Variants in TTC27 observed in about 807,000 individuals in gnomAD.
The protein encoded by TTC27 is tetratricopeptide repeat protein 27.
In TTC27, 79 loss-of-function variants were observed where a neutral mutation model predicts 115.9. The ratio of observed to expected loss-of-function variants is 0.68; its 90% CI spans 0.57 to 0.82. The LOEUF is 0.82. Among genes scored for constraint, TTC27 ranks in the 40% least tolerant of loss-of-function variants. The probability of loss-of-function intolerance (pLI) is 0.00; values close to 1 mark genes in which losing one functional copy is unlikely to be tolerated. For synonymous variants in TTC27, 401 were observed against 356.0 expected (o/e 1.13, Z -1.42); for missense variants, 1,054 against 993.1 (o/e 1.06, Z -0.82).
chr2:32,786,211 T>C (rs1670343038), intron 15 of TTC27, among the ~76,000 whole-genome samples: 1 of 152,100 alleles, frequency 6.6e-6, no homozygotes, highest in Admixed American at 6.5e-5. Context: ...ACCCACGGCT[T>C]CCCAGGTTCA....
chr2:32,703,312 CA>C (rs1250744683), intron 10 of TTC27, among the ~76,000 whole-genome samples: 1 of 152,072 alleles, frequency 6.6e-6, no homozygotes. Context: ...ACTGAAAATA[CA>C]AAAATTAGCC....
chr2:32,690,382 C>T (rs758002466), intron 9 of TTC27, among the ~76,000 whole-genome samples: 3 of 152,110 alleles, frequency 2.0e-5, no homozygotes, highest in Non-Finnish European at 2.9e-5. Flanking sequence ...GACTTGCCTT[C>T]ATGGAATTTT....
intron 5 of TTC27, among the ~76,000 whole-genome samples, chr2:32,651,544 C>T (rs1197471749): frequency 6.6e-6 from 1 of 152,142 alleles, no homozygotes; most frequent in Non-Finnish European, 1.5e-5. Flanking sequence ...TGGGGTTTCT[C>T]CATGTTGGTC....
chr2:32,661,996 GA>G (rs1464069280), intron 5 of TTC27, among the ~76,000 whole-genome samples: 1 of 152,098 alleles, frequency 6.6e-6, no homozygotes, highest in Non-Finnish European at 1.5e-5. Context: ...TAAGTTTACT[GA>G]AGGCCTTTTC....
intron 9 of TTC27, among the ~76,000 whole-genome samples, chr2:32,682,757 C>G (rs1386587255): frequency 6.6e-6 from 1 of 150,890 alleles, no homozygotes; most frequent in Non-Finnish European, 1.5e-5. Context: ...CAGCCTCCAC[C>G]TCCTGGGTTC....
chr2:32,692,036 GTTTTTTTT>G (rs779547700), intron 9 of TTC27, among the ~76,000 whole-genome samples: 21 of 61,204 alleles, frequency 3.4e-4, no homozygotes, highest in East Asian at 1.2e-3. Flanking sequence ...AATTTTTTAG[GTTTTTTTT>G]TTTTTTTTTT....
intron 16 of TTC27, among the ~76,000 whole-genome samples, chr2:32,793,478 T>G (rs1237554033): frequency 1.3e-5 from 2 of 152,168 alleles, no homozygotes; most frequent in East Asian, 3.9e-4. Context: ...TCAATAAAGA[T>G]AAATATAAGA....
At chr2:32,762,931 C>T (rs575500555) in intron 13 of TTC27, among the ~76,000 whole-genome samples, 38 of 152,264 alleles carry the variant, frequency 2.5e-4, no homozygotes, top group Admixed American at 7.8e-4. Flanking sequence ...TGAGCCACCG[C>T]GCTCAGCCCA....
rs73922800 is a variant in TTC27 at position 32,759,965 on chromosome 2, A to C, written c.1680+1446A>C. On this transcript the variant is annotated intron_variant, in intron 13 of 19. Transcript: ENST00000317907. ...CTGAATAATATTCCATTTTATGTAC[A>C]TACTTCCTTTTGTTTACCCATTCAT... Among the ~76,000 whole-genome samples, 357 of 152,264 alleles carry C rather than the reference A, an allele frequency of 2.3e-3. 2 individuals are homozygous for C. Among genetic ancestry groups the C allele is most frequent in the African/African-American group, 8.2e-3 (339 of 41,540 alleles).
At chr2:32,812,445 A>G (rs995944169) in intron 17 of TTC27, 59 bp from the exon 18 acceptor site, 7 of 1,291,952 alleles carry the variant, frequency 5.4e-6, no homozygotes, top group South Asian at 1.2e-5. Flanking sequence ...TCCAGGAAAC[A>G]GAGTTTGAAA....
intron 16 of TTC27, among the ~76,000 whole-genome samples, chr2:32,805,481 C>T (rs1180222237): frequency 6.6e-6 from 1 of 152,114 alleles, no homozygotes; most frequent in Non-Finnish European, 1.5e-5. Flanking sequence ...TAATAAAGTA[C>T]CTGCTTCCTA....
chr2:32,740,076 T>C (rs951991849), intron 12 of TTC27, among the ~76,000 whole-genome samples: 6 of 152,230 alleles, frequency 3.9e-5, no homozygotes, highest in Non-Finnish European at 8.8e-5. Context: ...TTAATTTTGC[T>C]CGACCTTGGT....
At chr2:32,801,460 T>A (rs569898711) in intron 16 of TTC27, among the ~76,000 whole-genome samples, 1 of 152,304 alleles carries the variant, frequency 6.6e-6, no homozygotes, top group African/African-American at 2.4e-5. Flanking sequence ...TGTGTTCCCT[T>A]CTTCTGAGGA....
chr2:32,707,883 AG>A (rs1667431592), intron 10 of TTC27, among the ~76,000 whole-genome samples: 1 of 152,040 alleles, frequency 6.6e-6, no homozygotes. Flanking sequence ...GGCTGGTTTT[AG>A]GATTGGGGCA....
In TTC27 at chr2:32,640,367, G is replaced by C. The variant is rs77321087; in HGVS notation, c.494G>C (p.Arg165Pro). 2.5e-5 allele frequency: 40 copies of C among 1,613,804 alleles called. No individual in the cohort carries two copies. The Admixed American group carries it at 5.8e-4, about 24-fold the overall frequency. The change falls in exon 4 of 20, where the codon CGC becomes CCC. Residue 165 changes from arginine to proline, a missense_variant. Coordinates refer to ENST00000317907, the MANE Select transcript of TTC27 (RefSeq NM_017735.5). ...AAGCCTATACTACTGTTATTAGCAC[G>C]CATTATCCTAGTGAATGTAAGACAT... ...TSKPILLLLA[R>P]IILVNVRHKL...
intron 4 of TTC27, among the ~76,000 whole-genome samples, chr2:32,643,389 T>G (rs555790112): frequency 2.0e-5 from 3 of 151,736 alleles, no homozygotes; most frequent in South Asian, 4.2e-4. Context: ...CACTACAACC[T>G]CTGCCTCCTG....
rs374524670 is a variant in TTC27, at chr2:32,668,314, G to A, written c.939+1546G>A. The stretch of plus-strand genomic sequence containing the variant: ...GAACCCAGGAGGTGGAGGCTACAAT[G>A]AGCAATGAGTGCAATTGCATCATTG... On this transcript the variant is annotated intron_variant, in intron 7 of 19. Transcript: ENST00000317907. 6.6e-5 allele frequency among the ~76,000 whole-genome samples: 10 copies of A among 150,588 alleles called. No homozygotes were observed. The East Asian group carries it at 1.4e-3, about 21-fold the overall frequency.
At chr2:32,776,980 A>ATT (rs148364373) in intron 13 of TTC27, among the ~76,000 whole-genome samples, 22 of 151,792 alleles carry the variant, frequency 1.4e-4, no homozygotes, top group Admixed American at 5.2e-4. Flanking sequence ...TGATGTACAG[A>ATT]TTTTTTTTTG....
At chr2:32,723,987 T>TTTTTTTTTTTTTTTTTTTTA (rs1558311138) in intron 10 of TTC27, among the ~76,000 whole-genome samples, 1 of 148,934 alleles carries the variant, frequency 6.7e-6, no homozygotes, top group Non-Finnish European at 1.5e-5. Flanking sequence ...TTTTTTTTTT[T>TTTTTTTTTTTTTTTTTTTTA]TATAGAAAGG....
Sources: allele counts gnomAD v4.1 joint callset (sites outside exome capture counted in the v4.1 genomes callset), GRCh38; gene constraint gnomAD v4.1.1; transcripts MANE v1.5; gene names NCBI Gene and HGNC (gene_info 2026-07-23, HGNC 2026-07-21).